DSCAM: variants seen among roughly 807,000 people sequenced by gnomAD.
DSCAM encodes DS cell adhesion molecule, also known as cell adhesion molecule DSCAM.
A neutral mutation model predicts 217.7 loss-of-function variants in DSCAM; 47 were observed. The ratio of observed to expected loss-of-function variants is 0.22; its 90% CI spans 0.17 to 0.28. The LOEUF is 0.28. DSCAM is among the 10% of genes least tolerant of loss of function. The pLI is 1.00. For missense variants in DSCAM, 2,080 were observed against 2,618.3 expected, an observed-to-expected ratio of 0.79 and a Z score of 4.49; for synonymous variants, 1,056 against 1,015.3, an observed-to-expected ratio of 1.04 and a Z score of -0.76.
intron 3 of DSCAM, among the ~76,000 whole-genome samples, chr21:40,679,046 G>A: frequency 6.6e-6 from 1 of 152,200 alleles, no homozygotes; most frequent in East Asian, 1.9e-4. Flanking sequence ...CCTCAGAACG[G>A]CATCACGTAG....
intron 1 of DSCAM, among the ~76,000 whole-genome samples, chr21:40,784,435 C>T (rs1311795558): frequency 6.6e-6 from 1 of 152,168 alleles, no homozygotes; most frequent in Non-Finnish European, 1.5e-5. Flanking sequence ...CCTCTTTTTT[C>T]TTATAAACTA....
Position 40,144,513 on chromosome 21 carries a change from G to T in DSCAM, c.3237C>A (p.Ile1079=). 1 of 1,614,200 alleles carries T rather than the reference G, an allele frequency of 6.2e-7. No homozygotes were observed. Among genetic ancestry groups the T allele is most frequent in the South Asian group, 1.1e-5 (1 of 91,056 alleles). The stretch of plus-strand genomic sequence containing the variant: ...TACCATCCTCGAGAGTGGTGGTGAT[G>T]ATTTCCTGAGAAGAAGGCCCCGTGC... ...RAGTGPSSQE[I]ITTTLEDVPS... The change falls in exon 17 of 33, where the codon ATC becomes ATA. Residue 1079 remains isoleucine, a synonymous_variant. Coordinates refer to ENST00000400454, the MANE Select transcript of DSCAM (RefSeq NM_001389.5). The surrounding 1 kb of genome is among the most constrained non-coding windows in gnomAD (Gnocchi z 4.8).
intron 3 of DSCAM, among the ~76,000 whole-genome samples, chr21:40,672,286 A>G (rs1007981850): frequency 1.3e-5 from 2 of 152,148 alleles, no homozygotes; most frequent in African/African-American, 4.8e-5. Flanking sequence ...AGTTTAGCTT[A>G]AGTAAATTTA....
At chr21:40,133,723 G>A in intron 19 of DSCAM, 131 bp downstream of exon 19, 1 of 1,055,650 alleles carries the variant, frequency 9.5e-7, no homozygotes, top group South Asian at 1.9e-5. Flanking sequence ...AATTGCACTG[G>A]GATATTTTGG....
chr21:40,360,347 G>T (rs1302770572), intron 4 of DSCAM, among the ~76,000 whole-genome samples: 2 of 151,830 alleles, frequency 1.3e-5, no homozygotes, highest in Non-Finnish European at 2.9e-5. Context: ...TGTTAGCCAG[G>T]ATGGTCTCTA....
At chr21:40,506,081 G>A (rs2076208310) in intron 3 of DSCAM, among the ~76,000 whole-genome samples, 1 of 152,204 alleles carries the variant, frequency 6.6e-6, no homozygotes, top group Non-Finnish European at 1.5e-5. Flanking sequence ...GATTCTTAAA[G>A]ATTTACTGAA....
intron 3 of DSCAM, among the ~76,000 whole-genome samples, chr21:40,443,448 C>A (rs965885413): frequency 3.9e-5 from 6 of 152,124 alleles, no homozygotes; most frequent in Admixed American, 3.3e-4. Context: ...GTTGAAGCTG[C>A]AGATGGATTA....
At chr21:40,153,046 C>T (rs2090440725) in intron 16 of DSCAM, among the ~76,000 whole-genome samples, 1 of 152,222 alleles carries the variant, frequency 6.6e-6, no homozygotes, top group Admixed American at 6.5e-5. Context: ...ATAGATTCCT[C>T]CAAATCCACT....
At chr21:40,504,912 G>A (rs2076198338) in intron 3 of DSCAM, among the ~76,000 whole-genome samples, 1 of 152,114 alleles carries the variant, frequency 6.6e-6, no homozygotes, top group Non-Finnish European at 1.5e-5. Flanking sequence ...ATAAGATATA[G>A]TAAGAGTTGA....
intron 3 of DSCAM, among the ~76,000 whole-genome samples, chr21:40,603,562 A>G (rs116862982): frequency 0.044 from 6,775 of 152,280 alleles, 200 homozygotes; most frequent in Middle Eastern, 0.14. Flanking sequence ...TTCTTTCTGA[A>G]TACATTCTTT....
At chr21:40,260,897 C>A (rs1260104778) in intron 11 of DSCAM, among the ~76,000 whole-genome samples, 1 of 152,214 alleles carries the variant, frequency 6.6e-6, no homozygotes, top group Non-Finnish European at 1.5e-5. Context: ...CCCCCGACAT[C>A]CAGGAGCTGG....
At chr21:40,460,556 G>A (rs1569133034) in intron 3 of DSCAM, among the ~76,000 whole-genome samples, 1 of 152,026 alleles carries the variant, frequency 6.6e-6, no homozygotes, top group African/African-American at 2.4e-5. Context: ...TTGTAATTTA[G>A]ACCACAGAAA....
At chr21:40,346,683 G>C (rs1004507275) in intron 6 of DSCAM, among the ~76,000 whole-genome samples, 1 of 152,030 alleles carries the variant, frequency 6.6e-6, no homozygotes, top group Admixed American at 6.5e-5. Flanking sequence ...TTAAAAAAAA[G>C]CAAATCGTAT....
At chr21:40,661,036 C>A (rs1045733804) in intron 3 of DSCAM, among the ~76,000 whole-genome samples, 2 of 152,152 alleles carry the variant, frequency 1.3e-5, no homozygotes, top group African/African-American at 2.4e-5. Flanking sequence ...CATTTGAACA[C>A]CCCAGGCTCA....
intron 1 of DSCAM, among the ~76,000 whole-genome samples, chr21:40,799,756 C>G (rs1027220053): frequency 2.1e-4 from 32 of 152,162 alleles, no homozygotes; most frequent in African/African-American, 7.5e-4. Flanking sequence ...CTGCCTTTCT[C>G]TTTTAAAGAT....
intron 3 of DSCAM, among the ~76,000 whole-genome samples, chr21:40,494,766 AACAC>A (rs2076104179): frequency 6.6e-6 from 1 of 152,076 alleles, no homozygotes; most frequent in South Asian, 2.1e-4. Context: ...GGTCAGTACA[AACAC>A]AAATAAAATA....
chr21:40,050,131 G>C (rs1261981355), intron 30 of DSCAM, among the ~76,000 whole-genome samples: 1 of 152,122 alleles, frequency 6.6e-6, no homozygotes, highest in Non-Finnish European at 1.5e-5. Context: ...AATCACCCAG[G>C]GTGTCTGTTA....
chr21:40,637,807 G>A (rs2089826801), intron 3 of DSCAM, among the ~76,000 whole-genome samples: 1 of 150,052 alleles, frequency 6.7e-6, no homozygotes, highest in African/African-American at 2.5e-5. Flanking sequence ...CAAGTAGCTG[G>A]GACTACAGGT....
intron 3 of DSCAM, among the ~76,000 whole-genome samples, chr21:40,559,638 C>T (rs919711676): frequency 2.0e-5 from 3 of 151,922 alleles, no homozygotes; most frequent in African/African-American, 4.8e-5. Context: ...CACAAATTTG[C>T]AAACATAAAT....
Sources: allele counts gnomAD v4.1 joint callset (sites outside exome capture counted in the v4.1 genomes callset), GRCh38; gene constraint gnomAD v4.1.1; non-coding constraint Gnocchi (gnomAD v3.1); transcripts MANE v1.5; gene names NCBI Gene and HGNC (gene_info 2026-07-23, HGNC 2026-07-21).